The following DLG2 variants were observed in gnomAD, a reference collection of about 807,000 sequenced individuals.
DLG2 encodes disks large homolog 2.
Under a neutral mutation model 132.5 loss-of-function variants are expected in DLG2, and 45 were observed. That is an observed-to-expected ratio of 0.34 (90% CI 0.27 to 0.44). The LOEUF (loss-of-function observed/expected upper bound fraction) is 0.44. Among genes scored for constraint, DLG2 ranks in the 20% least tolerant of loss-of-function variants. DLG2 has a pLI of 1.00. For synonymous variants in DLG2, 424 were observed against 419.6 expected (o/e 1.01, Z -0.13); for missense variants, 1,045 against 1,196.9 (o/e 0.87, Z 1.87).
chr11:84,091,224 G>C (rs1254301861), intron 10 of DLG2, among the ~76,000 whole-genome samples: 1 of 152,208 alleles, frequency 6.6e-6, no homozygotes, highest in Non-Finnish European at 1.5e-5. Flanking sequence ...AATGGTCACT[G>C]TTCAGAGAAA....
At chr11:83,805,372 T>C (rs2045635564) in intron 17 of DLG2, among the ~76,000 whole-genome samples, 1 of 151,848 alleles carries the variant, frequency 6.6e-6, no homozygotes, top group Non-Finnish European at 1.5e-5. Flanking sequence ...TATATATAAT[T>C]TTTCTCTATC....
At chr11:85,210,298 A>T (rs1276893045) in intron 4 of DLG2, among the ~76,000 whole-genome samples, 2 of 151,822 alleles carry the variant, frequency 1.3e-5, no homozygotes, top group Non-Finnish European at 2.9e-5. Flanking sequence ...TCTCCCCCTA[A>T]TTCACTGTGC....
At chr11:84,113,381 G>C (rs985427821) in intron 9 of DLG2, among the ~76,000 whole-genome samples, 4 of 152,104 alleles carry the variant, frequency 2.6e-5, no homozygotes, top group African/African-American at 9.7e-5. Flanking sequence ...CTGAACATCA[G>C]TTTTACTTAA....
At chr11:84,009,497 CT>C (rs1378451023) in intron 11 of DLG2, among the ~76,000 whole-genome samples, 1 of 151,840 alleles carries the variant, frequency 6.6e-6, no homozygotes, top group Non-Finnish European at 1.5e-5. Flanking sequence ...GGTTGTATAA[CT>C]TGAAGGGTGA....
At chr11:85,267,603 G>A (rs1403402533) in intron 4 of DLG2, among the ~76,000 whole-genome samples, 1 of 151,788 alleles carries the variant, frequency 6.6e-6, no homozygotes, top group Admixed American at 6.6e-5. Context: ...ACTCAAACTA[G>A]ACAAACACCT....
intron 11 of DLG2, among the ~76,000 whole-genome samples, chr11:84,017,263 T>A (rs951154392): frequency 6.6e-5 from 10 of 152,066 alleles, no homozygotes; most frequent in African/African-American, 2.4e-4. Context: ...ATGCATTACA[T>A]AATAAAGTAT....
At chr11:83,663,850 A>G (rs966237923) in intron 18 of DLG2, among the ~76,000 whole-genome samples, 9 of 152,220 alleles carry the variant, frequency 5.9e-5, no homozygotes, top group African/African-American at 1.7e-4. Context: ...GCAGATAGAA[A>G]TAAGAATCCA....
intron 19 of DLG2, among the ~76,000 whole-genome samples, chr11:83,586,749 C>T (rs1332802285): frequency 6.6e-6 from 1 of 152,144 alleles, no homozygotes; most frequent in East Asian, 1.9e-4. Flanking sequence ...TAAAAACCAG[C>T]TTGCGTAAGT....
intron 4 of DLG2, among the ~76,000 whole-genome samples, chr11:85,235,966 A>T (rs2075565225): frequency 6.6e-6 from 1 of 151,904 alleles, no homozygotes; most frequent in Non-Finnish European, 1.5e-5. Flanking sequence ...CTTATTCAGT[A>T]GATAAAAACA....
chr11:83,651,025 CATAT>C (rs752490770), intron 18 of DLG2, among the ~76,000 whole-genome samples: 3 of 152,074 alleles, frequency 2.0e-5, no homozygotes, highest in Non-Finnish European at 4.4e-5. Context: ...CTCTATACCT[CATAT>C]ATATATTCAT....
chr11:83,792,903 A>G (rs960993477), intron 17 of DLG2, among the ~76,000 whole-genome samples: 1 of 152,184 alleles, frequency 6.6e-6, no homozygotes, highest in Admixed American at 6.5e-5. Flanking sequence ...TTATATGCCA[A>G]CAAATAATAT....
intron 21 of DLG2, among the ~76,000 whole-genome samples, chr11:83,494,379 A>G (rs1728977182): frequency 6.7e-6 from 1 of 150,168 alleles, no homozygotes; most frequent in Non-Finnish European, 1.5e-5. Context: ...TGCCAGCTCC[A>G]CCACCATCCC....
At chr11:85,017,906 C>G (rs2059705188) in intron 6 of DLG2, among the ~76,000 whole-genome samples, 1 of 152,030 alleles carries the variant, frequency 6.6e-6, no homozygotes, top group South Asian at 2.1e-4. Context: ...GCAAGGCTTT[C>G]TCAGTTATCT....
chr11:85,121,602 A>G (rs745807219), intron 5 of DLG2, among the ~76,000 whole-genome samples: 30 of 152,158 alleles, frequency 2.0e-4, no homozygotes, highest in Non-Finnish European at 3.5e-4. Flanking sequence ...TATGATCATG[A>G]TAATTTGGTT....
intron 4 of DLG2, among the ~76,000 whole-genome samples, chr11:85,233,807 A>T (rs1406469872): frequency 6.8e-6 from 1 of 147,762 alleles, no homozygotes; most frequent in African/African-American, 2.5e-5. Flanking sequence ...TGTGTGTGTG[A>T]GTTTTAACTA....
intron 5 of DLG2, among the ~76,000 whole-genome samples, chr11:85,117,890 G>A (rs913028387): frequency 9.9e-5 from 15 of 151,956 alleles, no homozygotes; most frequent in Admixed American, 4.6e-4. Context: ...GAGAATACCC[G>A]TTTTCATTTA....
intron 7 of DLG2, among the ~76,000 whole-genome samples, chr11:84,399,793 T>G (rs2098823347): frequency 6.6e-6 from 1 of 152,234 alleles, no homozygotes; most frequent in Non-Finnish European, 1.5e-5. Flanking sequence ...TTGTTTGTTT[T>G]TTGGTTCTAC....
At chr11:85,362,270 A>G (rs1366507160) in intron 3 of DLG2, among the ~76,000 whole-genome samples, 1 of 151,948 alleles carries the variant, frequency 6.6e-6, no homozygotes, top group Non-Finnish European at 1.5e-5. Flanking sequence ...TGATTTGTTT[A>G]TTTTTTGTAG....
intron 4 of DLG2, among the ~76,000 whole-genome samples, chr11:85,202,689 TAA>T (rs2152555136): frequency 6.6e-6 from 1 of 152,150 alleles, no homozygotes; most frequent in South Asian, 2.1e-4. Flanking sequence ...AAAATAATAT[TAA>T]GTCTCTTTTC....
Sources: allele counts gnomAD v4.1 joint callset (sites outside exome capture counted in the v4.1 genomes callset), GRCh38; gene constraint gnomAD v4.1.1; transcripts MANE v1.5; gene names NCBI Gene and HGNC (gene_info 2026-07-23, HGNC 2026-07-21).